Variants in KLF8 observed in about 807,000 individuals in gnomAD.
KLF8 encodes Krueppel-like factor 8.
A neutral mutation model predicts 18.2 loss-of-function variants in KLF8; 10 were observed. The observed-to-expected ratio is 0.55, with a 90% CI of 0.34 to 0.93. KLF8 has a LOEUF of 0.93. KLF8 is among the 40% of genes least tolerant of loss of function. The probability of loss-of-function intolerance (pLI) is 0.02; values close to 1 mark genes in which losing one functional copy is unlikely to be tolerated. For synonymous variants in KLF8, 109 were observed against 97.3 expected (o/e 1.12, Z -0.71); for missense variants, 264 against 277.9 (o/e 0.95, Z 0.36).
rs1438028210 is a variant in KLF8 at position 56,265,344 on chromosome X, C to T, written c.246C>T (p.Pro82=). The stretch of plus-strand genomic sequence containing the variant: ...TTTTGGCTAGTGATTTCAGCCTGCC[C>T]CAAGTGGAACCAGTTGACCTCTCCT... ...EELLASDFSL[P]QVEPVDLSFH... Residue 82 remains proline (P), a synonymous_variant, in exon 3 of 6, where the codon CCC becomes CCT. Coordinates refer to ENST00000468660, the MANE Select transcript of KLF8 (RefSeq NM_007250.5). 1.7e-6 allele frequency: 2 copies of T among 1,208,850 alleles called. No homozygotes were observed. The highest frequency in any genetic ancestry group is 2.2e-6 in the Non-Finnish European group (2 of 894,143).
chrX:56,138,574 T>A, the KLF8 span, among the ~76,000 whole-genome samples: 1 of 111,042 alleles, frequency 9.0e-6, no homozygotes, highest in African/African-American at 3.3e-5. Context: ...AACCACATGA[T>A]CATCTCAATA....
Position 56,265,698 on chromosome X carries a change from C to T in KLF8, c.600C>T (p.Ala200=). 8.3e-7 allele frequency: 1 copy of T among 1,207,071 alleles called. No individual in the cohort carries two copies. The highest frequency in any genetic ancestry group is 1.1e-6 in the Non-Finnish European group (1 of 894,958). ...TGCCTGCAGATGGGGGCCCTGCAGC[C>T]ATTACAGTCCCACTCATTGGAGGAG... The part of the protein sequence containing the change: ...TTLPADGGPA[A]ITVPLIGGDG... Residue 200 remains alanine (A), a synonymous_variant, in exon 3 of 6, where the codon GCC becomes GCT. Coordinates refer to ENST00000468660, the MANE Select transcript of KLF8 (RefSeq NM_007250.5).
At chrX:55,957,431 C>A in the KLF8 span, among the ~76,000 whole-genome samples, 1 of 111,928 alleles carries the variant, frequency 8.9e-6, no homozygotes, top group South Asian at 3.7e-4. Context: ...GCAAAAACTA[C>A]TGTTGGGATT....
At chrX:56,230,858 T>C (rs1238488434), upstream of KLF8, among the ~76,000 whole-genome samples, 2 of 111,120 alleles carry the variant, frequency 1.8e-5, no homozygotes, top group Non-Finnish European at 3.8e-5. Context: ...AACAAATATG[T>C]GCCCCGAGGT....
chrX:56,151,735 G>A, the KLF8 span, among the ~76,000 whole-genome samples: 1 of 111,108 alleles, frequency 9.0e-6, no homozygotes, highest in Non-Finnish European at 1.9e-5. Flanking sequence ...TGTGAAATTG[G>A]AATGAGAGAT....
the KLF8 span, among the ~76,000 whole-genome samples, chrX:56,011,330 C>G: frequency 8.9e-6 from 1 of 112,248 alleles, no homozygotes; most frequent in Admixed American, 9.4e-5. Context: ...CTCAAAACCA[C>G]ACAACTACTT....
chrX:56,173,608 T>G, the KLF8 span, among the ~76,000 whole-genome samples: 5 of 112,074 alleles, frequency 4.5e-5, no homozygotes, highest in Non-Finnish European at 7.5e-5. Context: ...ATATGAACTT[T>G]AAAGTAGTTT....
At chrX:56,058,293 T>TAC in the KLF8 span, among the ~76,000 whole-genome samples, 409 of 65,168 alleles carry the variant, frequency 6.3e-3, 10 homozygotes, top group African/African-American at 0.019. Flanking sequence ...TATATATATA[T>TAC]ATATATATAT....
At chrX:56,027,712 C>A in the KLF8 span, among the ~76,000 whole-genome samples, 3 of 112,341 alleles carry the variant, frequency 2.7e-5, no homozygotes, top group African/African-American at 9.7e-5. Flanking sequence ...TCTACTGATG[C>A]CCATGGCTGG....
At chrX:55,946,221 C>T in the KLF8 span, among the ~76,000 whole-genome samples, 1 of 111,732 alleles carries the variant, frequency 8.9e-6, no homozygotes, top group Non-Finnish European at 1.9e-5. Flanking sequence ...CATCATGCTA[C>T]CTGACTTCAA....
chrX:56,273,329 A>G (rs1010127079), intron 5 of KLF8, among the ~76,000 whole-genome samples: 2 of 109,314 alleles, frequency 1.8e-5, no homozygotes, highest in Non-Finnish European at 3.8e-5. Flanking sequence ...AAACAAGCTA[A>G]TTATACTCTT....
the KLF8 span, among the ~76,000 whole-genome samples, chrX:56,058,353 TATATACTTTAA>T: frequency 4.5e-5 from 4 of 87,960 alleles, no homozygotes; most frequent in Non-Finnish European, 8.9e-5. Context: ...TTATTTTTTA[TATATACTTTAA>T]GTTCTGGGAT....
chrX:56,099,689 T>C, the KLF8 span, among the ~76,000 whole-genome samples: 8 of 112,001 alleles, frequency 7.1e-5, no homozygotes, highest in African/African-American at 2.6e-4. Context: ...TGGAGTTTTA[T>C]TGTCTGCACG....
the KLF8 span, among the ~76,000 whole-genome samples, chrX:56,089,657 C>T: frequency 8.9e-6 from 1 of 112,227 alleles, no homozygotes; most frequent in East Asian, 2.8e-4. Flanking sequence ...TACAGAGAAC[C>T]ACAGTTTACT....
the KLF8 span, among the ~76,000 whole-genome samples, chrX:56,078,281 T>C: frequency 8.9e-6 from 1 of 112,090 alleles, no homozygotes; most frequent in African/African-American, 3.2e-5. Flanking sequence ...TGTGGGTTTG[T>C]CATAGATAGC....
the KLF8 span, among the ~76,000 whole-genome samples, chrX:56,211,798 C>T: frequency 9.0e-6 from 1 of 111,036 alleles, no homozygotes; most frequent in African/African-American, 3.3e-5. Context: ...GATCCTAGAG[C>T]CCACCTGGTG....
the KLF8 span, among the ~76,000 whole-genome samples, chrX:56,072,929 T>G: frequency 5.4e-5 from 6 of 111,715 alleles, no homozygotes; most frequent in Non-Finnish European, 9.4e-5. Flanking sequence ...TCTAGATATT[T>G]TATATAAGGG....
rs759981090 is a variant in KLF8, at chrX:56,250,323, AGGGTGC to A, written c.81+20_81+25del. Reference sequence around the variant, plus strand: ...CAAGCAGGTCAGTTATCAGGAAAATAGGGTGCTAATATTGGGCCATAATAGTATTGA... The same window carrying A: ...CAAGCAGGTCAGTTATCAGGAAAATATAATATTGGGCCATAATAGTATTGA... On this transcript the variant is annotated intron_variant, in intron 2 of 5. Coordinates refer to ENST00000468660, the MANE Select transcript of KLF8 (RefSeq NM_007250.5). 2 of 1,130,707 alleles carry A rather than the reference AGGGTGC, an allele frequency of 1.8e-6. No individual in the cohort carries two copies. The highest frequency in any genetic ancestry group is 3.7e-5 in the South Asian group (2 of 54,339). 93.2% of individuals were successfully genotyped at this position (1,130,707 alleles called of 1,213,427 possible). A position where few individuals can be genotyped will look rare whatever the true frequency, so the allele number is the denominator to read the frequency against.
chrX:55,983,643 AGCTTT>A, the KLF8 span, among the ~76,000 whole-genome samples: 1 of 112,233 alleles, frequency 8.9e-6, no homozygotes, highest in African/African-American at 3.2e-5. Context: ...TTAAATAAAT[AGCTTT>A]AATGGTACAA....
Sources: gnomAD v4.1 joint callset for allele counts (sites outside exome capture counted in the v4.1 genomes callset) on GRCh38, gnomAD v4.1.1 for gene constraint, MANE v1.5 for transcripts, NCBI Gene and HGNC (gene_info 2026-07-23, HGNC 2026-07-21) for gene names.